The following TAS2R42 variants were observed in gnomAD, a reference collection of about 807,000 sequenced individuals.
TAS2R42 encodes taste 2 receptor member 42.
For synonymous variants in TAS2R42, 138 were observed against 133.0 expected (o/e 1.04, Z -0.26); for missense variants, 356 against 356.9 (o/e 1.00, Z 0.02).
Position 11,186,793 on chromosome 12 carries a change from T to C in TAS2R42, c.145A>G (p.Thr49Ala). Residue 49 changes from threonine to alanine, a missense_variant, in exon 1 of 1, where the codon ACC becomes GCC. Physicochemically the swap from Thr to Ala is moderately conservative, Grantham distance 58. Transcript: ENST00000334266. ...QKVFSADFIL[T>A]CLAISTIGQL... Reference sequence around the variant, plus strand: ...CCAATTGTGGAGATAGCCAAGCAGGTGAGGATGAAGTCAGCTGAGAAGACC... The same window carrying C: ...CCAATTGTGGAGATAGCCAAGCAGGCGAGGATGAAGTCAGCTGAGAAGACC... The C allele has an allele frequency of 6.2e-7, 1 of 1,613,940 alleles. No individual in the cohort carries two copies. The highest frequency in any genetic ancestry group is 8.5e-7 in the Non-Finnish European group (1 of 1,179,964).
Position 11,186,214 on chromosome 12 carries a change from G to A in TAS2R42, c.724C>T (p.Leu242Phe), listed in dbSNP as rs1429969096. ...AAGGAAAAAAAATGAACTATGAAGA[G>A]GAAAAGGAAAGACATCACCATTTTC... ...AMKMVMSFLF[L>F]FIVHFFSLQV... Residue 242 changes from leucine (L) to phenylalanine (F), a missense_variant, in exon 1 of 1, where the codon CTC (leucine) becomes TTC (phenylalanine). Transcript: ENST00000334266. The A allele has an allele frequency of 1.2e-6, 2 of 1,613,556 alleles. No individual in the cohort carries two copies. Among genetic ancestry groups the A allele is most frequent in the Non-Finnish European group, 1.7e-6 (2 of 1,179,792 alleles).
In TAS2R42 at chr12:11,186,712, A is replaced by G; in HGVS notation, c.226T>C (p.Tyr76His). 5 of 1,614,138 alleles carry G rather than the reference A, an allele frequency of 3.1e-6. No individual in the cohort carries two copies. The highest frequency in any genetic ancestry group is 1.1e-5 in the South Asian group (1 of 91,080). ...GTTTTTCCTAGTCTATATGTGGTAT[A>G]TAAATGTGAAGCAAGTCCCACTAGA... ...SFLVGLASHLYTTYRLGKTVI... is the reference protein window; with the variant it reads ...SFLVGLASHLHTTYRLGKTVI... Residue 76 changes from tyrosine to histidine, a missense_variant, in exon 1 of 1, where the codon TAT becomes CAT. Transcript: ENST00000334266.
Position 11,186,724 on chromosome 12 carries a change from C to T in TAS2R42, c.214G>A (p.Ala72Thr). ...ILFDSFLVGLASHLYTTYRLG... is the reference protein window; with the variant it reads ...ILFDSFLVGLTSHLYTTYRLG... ...CTATATGTGGTATATAAATGTGAAG[C>T]AAGTCCCACTAGAAATGAATCAAAC... The change falls in exon 1 of 1, where the codon GCT becomes ACT. Residue 72 changes from alanine to threonine, a missense_variant. Physicochemically the swap from Ala to Thr is moderately conservative, Grantham distance 58. Transcript: ENST00000334266. 3 of 1,614,068 alleles carry T rather than the reference C, an allele frequency of 1.9e-6. No homozygotes were observed. The highest frequency in any genetic ancestry group is 2.5e-6 in the Non-Finnish European group (3 of 1,180,004).
rs755140545 is a variant in TAS2R42, at chr12:11,186,530, C to T, written c.408G>A (p.Leu136=). The change falls in exon 1 of 1, where the codon TTG becomes TTA. Residue 136 remains leucine (L), a synonymous_variant. Transcript: ENST00000334266. The stretch of plus-strand genomic sequence containing the variant: ...TGTCAAAAATCAGTAAGAACAAAGA[C>T]AATATAAGAAGCATAACAATCATTC... ...MNGMIVMLLI[L]SLFLLIFDSL... 6.2e-7 allele frequency: 1 copy of T among 1,613,502 alleles called. No homozygotes were observed. The highest frequency in any genetic ancestry group is 8.5e-7 in the Non-Finnish European group (1 of 1,179,864).
In TAS2R42 at chr12:11,186,685, C is replaced by A. The variant is rs1202954028; in HGVS notation, c.253G>T (p.Val85Phe). The A allele has an allele frequency of 2.5e-6, 4 of 1,614,092 alleles. No individual in the cohort carries two copies. The change falls in exon 1 of 1, where the codon GTT (valine) becomes TTT (phenylalanine). Residue 85 changes from valine (V) to phenylalanine (F), a missense_variant. Val to Phe is a conservative substitution (Grantham distance 50, BLOSUM62 -1). Coordinates refer to ENST00000334266, the MANE Select transcript of TAS2R42 (RefSeq NM_181429.2). ...LYTTYRLGKT[V>F]IMLWHMTNHL... is the part of the protein sequence containing the mutation. ...TTAGTCATGTGCCAAAGCATAATAA[C>A]AGTTTTTCCTAGTCTATATGTGGTA...
In TAS2R42 at chr12:11,186,144, C is replaced by T. The variant is rs1451772; in HGVS notation, c.794G>A (p.Cys265Tyr). The T allele has an allele frequency of 0.76, 1,220,058 of 1,613,684 alleles. 461,752 individuals carry two copies. The highest frequency in any genetic ancestry group is 0.8 in the Middle Eastern group (4,848 of 6,058). ...TAAGGCTAACATGACAAACTTTATG[C>T]ACTTGTTGTTCCACAACATAAAAAA... ...WIFFMLWNNK[C>Y]IKFVMLALNA... Residue 265 changes from cysteine (C) to tyrosine (Y), a missense_variant, in exon 1 of 1, where the codon TGC becomes TAC. Coordinates refer to ENST00000334266, the MANE Select transcript of TAS2R42 (RefSeq NM_181429.2).
chr12:11,186,537 A>C lies in TAS2R42; in HGVS notation c.401T>G (p.Leu134Arg), dbSNP rs1592149708. Residue 134 changes from leucine (L) to arginine (R), a missense_variant, in exon 1 of 1, where the codon CTT becomes CGT. By Grantham distance (102) the Leu-to-Arg change is moderately radical. Transcript: ENST00000334266. ...WRMNGMIVMLLILSLFLLIFD... is the reference protein window; with the variant it reads ...WRMNGMIVMLRILSLFLLIFD... ...AATCAGTAAGAACAAAGACAATATA[A>C]GAAGCATAACAATCATTCCGTTCAT... 1 of 1,613,922 alleles carries C rather than the reference A, an allele frequency of 6.2e-7. No individual in the cohort carries two copies.
In TAS2R42 at chr12:11,186,057, G is replaced by A; in HGVS notation, c.881C>T (p.Thr294Ile). Residue 294 changes from threonine to isoleucine, a missense_variant, in exon 1 of 1, where the codon ACA becomes ATA. Thr to Ile is a moderately conservative substitution (Grantham distance 89, BLOSUM62 -1). Coordinates refer to ENST00000334266, the MANE Select transcript of TAS2R42 (RefSeq NM_181429.2). ...LILGNSKLQQ[T>I]AVRLLWHLRN... ...AAGATGCCACAGTAGCCTCACAGCT[G>A]TCTGTTGCAGCTTGCTGTTTCCCAG... 1 of 1,613,992 alleles carries A rather than the reference G, an allele frequency of 6.2e-7. No individual in the cohort carries two copies. The highest frequency in any genetic ancestry group is 8.5e-7 in the Non-Finnish European group (1 of 1,179,934).
In TAS2R42 at chr12:11,186,521, G is replaced by C; in HGVS notation, c.417C>G (p.Phe139Leu). The change falls in exon 1 of 1, where the codon TTC becomes TTG. Residue 139 changes from phenylalanine (F) to leucine (L), a missense_variant. By Grantham distance (22) the Phe-to-Leu change is conservative. Transcript: ENST00000334266. ...MIVMLLILSL[F>L]LLIFDSLVLE... ...GCACTAAACTGTCAAAAATCAGTAA[G>C]AACAAAGACAATATAAGAAGCATAA... The C allele has an allele frequency of 6.2e-7, 1 of 1,613,666 alleles. No homozygotes were observed. Among genetic ancestry groups the C allele is most frequent in the Non-Finnish European group, 8.5e-7 (1 of 1,179,856 alleles).
rs1948020113 is a variant in TAS2R42 at position 11,186,052 on chromosome 12, C to A, written c.886G>T (p.Val296Leu). ...TTCCTAAGATGCCACAGTAGCCTCA[C>A]AGCTGTCTGTTGCAGCTTGCTGTTT... ...LGNSKLQQTA[V>L]RLLWHLRNYT... The change falls in exon 1 of 1, where the codon GTG becomes TTG. Residue 296 changes from valine to leucine, a missense_variant. Val to Leu is a conservative substitution (Grantham distance 32). Transcript: ENST00000334266. The A allele has an allele frequency of 1.9e-6, 3 of 1,613,804 alleles. No individual in the cohort carries two copies. In the South Asian group the frequency reaches 3.3e-5, roughly 18 times the overall value.
In TAS2R42 at chr12:11,186,733, C is replaced by G; in HGVS notation, c.205G>C (p.Val69Leu). The change falls in exon 1 of 1, where the codon GTG (valine) becomes CTG (leucine). Residue 69 changes from valine (V) to leucine (L), a missense_variant. Val to Leu is a conservative substitution (Grantham distance 32). Coordinates refer to ENST00000334266, the MANE Select transcript of TAS2R42 (RefSeq NM_181429.2). ...LLVILFDSFLVGLASHLYTTY... is the reference protein window; with the variant it reads ...LLVILFDSFLLGLASHLYTTY... ...GTATATAAATGTGAAGCAAGTCCCACTAGAAATGAATCAAACAGTATCACC... is the reference window on the plus strand; with the variant it reads ...GTATATAAATGTGAAGCAAGTCCCAGTAGAAATGAATCAAACAGTATCACC... 1 of 1,614,068 alleles carries G rather than the reference C, an allele frequency of 6.2e-7. No individual in the cohort carries two copies. The highest frequency in any genetic ancestry group is 8.5e-7 in the Non-Finnish European group (1 of 1,180,008).
Position 11,186,694 on chromosome 12 carries a change from C to G in TAS2R42, c.244G>C (p.Gly82Arg), listed in dbSNP as rs754678329. Residue 82 changes from glycine (G) to arginine (R), a missense_variant, in exon 1 of 1, where the codon GGA becomes CGA. Transcript: ENST00000334266. ...TGCCAAAGCATAATAACAGTTTTTC[C>G]TAGTCTATATGTGGTATATAAATGT... ...ASHLYTTYRL[G>R]KTVIMLWHMT... 1.2e-6 allele frequency: 2 copies of G among 1,614,012 alleles called. No individual in the cohort carries two copies. The highest frequency in any genetic ancestry group is 2.2e-5 in the East Asian group (1 of 44,870).
chr12:11,186,087 A>C lies in TAS2R42; in HGVS notation c.851T>G (p.Leu284Arg). Residue 284 changes from leucine (L) to arginine (R), a missense_variant, in exon 1 of 1, where the codon CTC becomes CGC. By Grantham distance (102) the Leu-to-Arg change is moderately radical. Transcript: ENST00000334266. ...NAFPSCHSFI[L>R]ILGNSKLQQT... ...TTGCAGCTTGCTGTTTCCCAGAATG[A>C]GAATAAATGAGTGGCACGAGGGAAA... The C allele has an allele frequency of 6.2e-7, 1 of 1,614,036 alleles. No individual in the cohort carries two copies. Among genetic ancestry groups the C allele is most frequent in the Non-Finnish European group, 8.5e-7 (1 of 1,179,950 alleles).
the TAS2R42 span, chr12:11,186,460 CTATTA>C: frequency 1.2e-5 from 19 of 1,607,052 alleles, no homozygotes; most frequent in Middle Eastern, 1.7e-4. Context: ...TTACTTTTAT[CTATTA>C]TATTGAGTGA....
chr12:11,186,252 T>C lies in TAS2R42; in HGVS notation c.686A>G (p.His229Arg). The C allele has an allele frequency of 2.5e-6, 4 of 1,613,940 alleles. No individual in the cohort carries two copies. Among genetic ancestry groups the C allele is most frequent in the Non-Finnish European group, 3.4e-6 (4 of 1,179,900 alleles). The change falls in exon 1 of 1, where the codon CAT becomes CGT. Residue 229 changes from histidine (H) to arginine (R), a missense_variant. Physicochemically the swap from His to Arg is conservative, Grantham distance 29. Coordinates refer to ENST00000334266, the MANE Select transcript of TAS2R42 (RefSeq NM_181429.2). Reference protein sequence around the residue: ...LGSRDSSTEAHRRAMKMVMSF... With the variant: ...LGSRDSSTEARRRAMKMVMSF... The stretch of plus-strand genomic sequence containing the variant: ...CATCACCATTTTCATGGCCCTCCTA[T>C]GGGCCTCTGTGCTGGAGTCTCTAGA...
chr12:11,186,262 T>C lies in TAS2R42; in HGVS notation c.676A>G (p.Thr226Ala). The change falls in exon 1 of 1, where the codon ACA becomes GCA. Residue 226 changes from threonine to alanine, a missense_variant. Thr to Ala is a moderately conservative substitution (Grantham distance 58). Transcript: ENST00000334266. Reference sequence around the variant, plus strand: ...TTCATGGCCCTCCTATGGGCCTCTGTGCTGGAGTCTCTAGAGCCCAAGGAA... The same window carrying C: ...TTCATGGCCCTCCTATGGGCCTCTGCGCTGGAGTCTCTAGAGCCCAAGGAA... ...LSSLGSRDSS[T>A]EAHRRAMKMV... The C allele has an allele frequency of 6.2e-7, 1 of 1,614,062 alleles. No individual in the cohort carries two copies.
chr12:11,186,353 C>T lies in TAS2R42; in HGVS notation c.585G>A (p.Leu195=). Residue 195 remains leucine (L), a synonymous_variant, in exon 1 of 1, where the codon CTG becomes CTA. Coordinates refer to ENST00000334266, the MANE Select transcript of TAS2R42 (RefSeq NM_181429.2). ...LSLTSFIPFS[L]FLTSLLFLFL... is the part of the protein sequence containing the mutation. ...ATAAAAAAAGCAAGGAGGTCAGGAA[C>T]AGAGAAAAGGGGATAAAACTGGTCA... 1 of 1,612,902 alleles carries T rather than the reference C, an allele frequency of 6.2e-7. No individual in the cohort carries two copies. Among genetic ancestry groups the T allele is most frequent in the Non-Finnish European group, 8.5e-7 (1 of 1,179,086 alleles).
chr12:11,186,537 A>AGAAG, the TAS2R42 span: 3 of 1,613,922 alleles, frequency 1.9e-6, no homozygotes, highest in South Asian at 3.3e-5. Context: ...AGACAATATA[A>AGAAG]GAAGCATAAC....
At chr12:11,186,227 CAT>C in the TAS2R42 span, 1 of 1,613,680 alleles carries the variant, frequency 6.2e-7, no homozygotes, top group Non-Finnish European at 8.5e-7. Flanking sequence ...AAAGGAAAGA[CAT>C]CACCATTTTC....
Sources: gnomAD v4.1 joint callset for allele counts on GRCh38, gnomAD v4.1.1 for gene constraint, MANE v1.5 for transcripts, NCBI Gene and HGNC (gene_info 2026-07-23, HGNC 2026-07-21) for gene names.